ATP4B: variants seen among roughly 807,000 people sequenced by gnomAD.
The protein encoded by ATP4B is ATPase H+/K+ transporting subunit beta, also known as potassium-transporting ATPase subunit beta.
In ATP4B, 27 loss-of-function variants were observed where a neutral mutation model predicts 35.3. That is an observed-to-expected ratio of 0.76 (90% CI 0.56 to 1.05). ATP4B has a LOEUF of 1.05. ATP4B is among the 50% of genes least tolerant of loss of function. ATP4B has a pLI of 0.00. For synonymous variants in ATP4B, 162 were observed against 156.0 expected (o/e 1.04, Z -0.29); for missense variants, 375 against 384.8 (o/e 0.97, Z 0.21).
Position 113,649,533 on chromosome 13 carries a change from G to A in ATP4B, c.717C>T (p.Pro239=), listed in dbSNP as rs762544467. ...CTGCCACCAGGGGGTTGCTGTAGTG[G>A]GGCTGAAGTGGGAGTGAGGAAAGGA... ...YFPYYGKKAQ[P]HYSNPLVAAK... The change falls in exon 7 of 7, where the codon CCC becomes CCT. Residue 239 remains proline, a splice_region_variant and synonymous_variant. Coordinates refer to ENST00000335288, the MANE Select transcript of ATP4B (RefSeq NM_000705.4). This position sits in a 1 kb window ranked among gnomAD's most constrained non-coding sequence, Gnocchi z 4.7. 6.6e-7 allele frequency: 1 copy of A among 1,516,208 alleles called. No individual in the cohort carries two copies. The highest frequency in any genetic ancestry group is 1.4e-5 in the African/African-American group (1 of 71,602). The allele number at this position is 1,516,208 out of a possible 1,614,324, so 93.9% of individuals were successfully genotyped here.
rs2049770248 is a variant in ATP4B, at chr13:113,658,085, G to C, written c.60C>G (p.Tyr20Ter). 1.2e-6 allele frequency: 2 copies of C among 1,612,244 alleles called. No individual in the cohort carries two copies. The highest frequency in any genetic ancestry group is 1.7e-6 in the Non-Finnish European group (2 of 1,179,630). Residue 20 changes from tyrosine (Y) to a stop codon, truncating the protein, a stop_gained, in exon 1 of 7, where the codon TAC becomes TAG. Transcript: ENST00000335288. LOFTEE classifies it high-confidence loss of function. ...CGQRMEEFQR[Y>*]CWNPDTGQML... is the part of the protein sequence containing the mutation. ...TCTGCCCCGTGTCCGGGTTCCAGCAGTAACGCTGGAACTCCTCCATGCGCT... is the reference window on the plus strand; with the variant it reads ...TCTGCCCCGTGTCCGGGTTCCAGCACTAACGCTGGAACTCCTCCATGCGCT...
At chr13:113,655,593 C>G (rs190118669) in intron 1 of ATP4B, among the ~76,000 whole-genome samples, 125 of 152,318 alleles carry the variant, frequency 8.2e-4, no homozygotes, top group African/African-American at 2.9e-3. Context: ...TGGCCATGGG[C>G]GGCTCCTGGA....
chr13:113,657,407 G>A (rs2049763746), intron 1 of ATP4B, among the ~76,000 whole-genome samples: 1 of 152,236 alleles, frequency 6.6e-6, no homozygotes, highest in Non-Finnish European at 1.5e-5. Context: ...CCCTGATGTA[G>A]ACGCAGACGC....
Position 113,649,072 on chromosome 13 carries a change from C to T in ATP4B, c.*302G>A, listed in dbSNP as rs192103532. ...AAGAAAGTGATGTCTACATAGAAGA[C>T]GAATCGTTTTTATGACCTGGTTAAT... is the stretch of plus-strand genomic sequence containing the variant. On this transcript the variant is annotated 3_prime_UTR_variant, in exon 7 of 7. Transcript: ENST00000335288. This position sits in a 1 kb window ranked among gnomAD's most constrained non-coding sequence, Gnocchi z 4.7. The T allele has an allele frequency of 1.3e-4, 32 of 241,570 alleles. No homozygotes were observed. Among genetic ancestry groups the T allele is most frequent in the Admixed American group, 9.6e-4 (19 of 19,782 alleles). The allele number at this position is 241,570 out of a possible 1,614,324, so 15.0% of individuals were successfully genotyped here. A position where few individuals can be genotyped will look rare whatever the true frequency, so the allele number is the denominator to read the frequency against.
intron 2 of ATP4B, among the ~76,000 whole-genome samples, chr13:113,654,270 G>A (rs1473286472): frequency 6.6e-6 from 1 of 152,198 alleles, no homozygotes; most frequent in Non-Finnish European, 1.5e-5. Flanking sequence ...GAGGGAAAAG[G>A]AGGTTCTGCA....
chr13:113,656,093 G>A (rs534803662), intron 1 of ATP4B, among the ~76,000 whole-genome samples: 2 of 152,360 alleles, frequency 1.3e-5, no homozygotes, highest in East Asian at 1.9e-4. Flanking sequence ...CTTGGCTTCA[G>A]CCTCCGGTTT....
chr13:113,653,680 G>A (rs2049731413), intron 2 of ATP4B, among the ~76,000 whole-genome samples: 1 of 152,212 alleles, frequency 6.6e-6, no homozygotes. Flanking sequence ...GGTGGGGGGT[G>A]GCTGGCTCTC....
Position 113,650,346 on chromosome 13 carries a change from C to A in ATP4B, c.714+60G>T. On this transcript the variant is annotated intron_variant, in intron 6 of 6. Coordinates refer to ENST00000335288, the MANE Select transcript of ATP4B (RefSeq NM_000705.4). This position sits in a 1 kb window ranked among gnomAD's most constrained non-coding sequence, Gnocchi z 5.0. Reference sequence around the variant, plus strand: ...ATGAAGGGGCTTATTGCTTTCCTTTCGCTAAGTGTGAGAGGACTCAGCAGC... The same window carrying A: ...ATGAAGGGGCTTATTGCTTTCCTTTAGCTAAGTGTGAGAGGACTCAGCAGC... 1 of 1,501,594 alleles carries A rather than the reference C, an allele frequency of 6.7e-7. No individual in the cohort carries two copies. The highest frequency in any genetic ancestry group is 9.3e-7 in the Non-Finnish European group (1 of 1,079,786). 93.0% of individuals were successfully genotyped at this position (1,501,594 alleles called of 1,614,324 possible).
At position 113,650,324 on chromosome 13, in the gene ATP4B, A is replaced by C; in HGVS notation, c.714+82T>G. The C allele has an allele frequency of 7.6e-7, 1 of 1,314,754 alleles. No homozygotes were observed. Among genetic ancestry groups the C allele is most frequent in the Non-Finnish European group, 1.1e-6 (1 of 916,286 alleles). The allele number at this position is 1,314,754 out of a possible 1,614,324, so 81.4% of individuals were successfully genotyped here. ...CACCTTTGTTTCATTTTTCTACATG[A>C]AGGGGCTTATTGCTTTCCTTTCGCT... On this transcript the variant is annotated intron_variant, in intron 6 of 6. Coordinates refer to ENST00000335288, the MANE Select transcript of ATP4B (RefSeq NM_000705.4). This position sits in a 1 kb window ranked among gnomAD's most constrained non-coding sequence, Gnocchi z 5.0.
intron 4 of ATP4B, 195 bp downstream of exon 4, chr13:113,652,678 G>C: frequency 1.4e-6 from 1 of 699,620 alleles, no homozygotes; most frequent in Non-Finnish European, 2.6e-6. Flanking sequence ...TGTCTGACGA[G>C]TGGTTTCAAA....
At position 113,657,773 on chromosome 13, in the gene ATP4B, T is replaced by G. The variant is rs551111327; in HGVS notation, c.112+260A>C. Among the ~76,000 whole-genome samples, 23 of 152,378 alleles carry G rather than the reference T, an allele frequency of 1.5e-4. 1 individual carries two copies. In the East Asian group the frequency reaches 4.4e-3, roughly 29 times the overall value. On this transcript the variant is annotated intron_variant, in intron 1 of 6. Transcript: ENST00000335288. ...TGTTCTCAGACATACGGCTGACATTTGGGGCCAGTCTGTGGACGCCCTCCA... is the reference window on the plus strand; with the variant it reads ...TGTTCTCAGACATACGGCTGACATTGGGGGCCAGTCTGTGGACGCCCTCCA...
chr13:113,652,816 T>G, intron 4 of ATP4B, 57 bp downstream of exon 4: 2 of 1,584,722 alleles, frequency 1.3e-6, no homozygotes, highest in Non-Finnish European at 1.7e-6. Context: ...TGGGTGTGGG[T>G]GAGAGGCCCT....
At chr13:113,652,833 A>G in intron 4 of ATP4B, 40 bp downstream of exon 4, 1 of 1,606,336 alleles carries the variant, frequency 6.2e-7, no homozygotes, top group Non-Finnish European at 8.5e-7. Context: ...CCCTGACTGC[A>G]CTGTTGTAGT....
chr13:113,657,629 G>A (rs946011754), intron 1 of ATP4B, among the ~76,000 whole-genome samples: 11 of 152,380 alleles, frequency 7.2e-5, no homozygotes, highest in Admixed American at 3.3e-4. Context: ...TGGCAGCCGC[G>A]TCTCGGCAGA....
At chr13:113,655,744 T>C (rs545364856) in intron 1 of ATP4B, among the ~76,000 whole-genome samples, 2 of 152,328 alleles carry the variant, frequency 1.3e-5, no homozygotes, top group Non-Finnish European at 2.9e-5. Flanking sequence ...AAGTCTGTAA[T>C]GAACTGGGCC....
rs757629033 is a variant in ATP4B at position 113,654,932 on chromosome 13, G to A, written c.123C>T (p.Ser41=). The A allele has an allele frequency of 6.2e-7, 1 of 1,614,074 alleles. No homozygotes were observed. The highest frequency in any genetic ancestry group is 8.5e-7 in the Non-Finnish European group (1 of 1,179,984). Residue 41 remains serine, a synonymous_variant, in exon 2 of 7, where the codon AGC becomes AGT. Transcript: ENST00000335288. Reference sequence around the variant, plus strand: ...CCACGTAGAAGGCCACGTAGTACAGGCTGATCCACACTGCGACACAAGGCA... The same window carrying A: ...CCACGTAGAAGGCCACGTAGTACAGACTGATCCACACTGCGACACAAGGCA... ...GRTLSRWVWI[S]LYYVAFYVVM... is the part of the protein sequence containing the mutation.
rs1442520034 is a variant in ATP4B at position 113,652,991 on chromosome 13, T to C, written c.437A>G (p.Asn146Ser). The change falls in exon 4 of 7, where the codon AAC (asparagine) becomes AGC (serine). Residue 146 changes from asparagine to serine, a missense_variant. Asn to Ser is a conservative substitution (Grantham distance 46). Transcript: ENST00000335288. ...YFFQESFRAPNHTKFSCKFTA... is the reference protein window; with the variant it reads ...YFFQESFRAPSHTKFSCKFTA... ...GAACTTGCAGGAGAACTTGGTGTGG[T>C]TGGGAGCGCGGAAACTCTCCTGGAA... 2 of 1,614,056 alleles carry C rather than the reference T, an allele frequency of 1.2e-6. No homozygotes were observed. Among genetic ancestry groups the C allele is most frequent in the East Asian group, 2.2e-5 (1 of 44,888 alleles).
intron 4 of ATP4B, among the ~76,000 whole-genome samples, chr13:113,652,116 C>T (rs755594355): frequency 6.6e-6 from 1 of 152,234 alleles, no homozygotes; most frequent in Non-Finnish European, 1.5e-5. Context: ...CTCTCTGGCC[C>T]ACCCGGGCCT....
intron 2 of ATP4B, among the ~76,000 whole-genome samples, chr13:113,654,404 G>T (rs1042451014): frequency 6.6e-6 from 1 of 152,134 alleles, no homozygotes; most frequent in African/African-American, 2.4e-5. Flanking sequence ...CTGGTCTCCC[G>T]GGTGTGCTCC....
Sources: allele counts gnomAD v4.1 joint callset (sites outside exome capture counted in the v4.1 genomes callset), GRCh38; gene constraint gnomAD v4.1.1; non-coding constraint Gnocchi (gnomAD v3.1); transcripts MANE v1.5; gene names NCBI Gene and HGNC (gene_info 2026-07-23, HGNC 2026-07-21).